The following FRS2 variants were observed in gnomAD, a reference collection of about 807,000 sequenced individuals.
FRS2 encodes the protein fibroblast growth factor receptor substrate 2.
FRS2 carries 8 observed loss-of-function variants against 43.9 expected under a neutral mutation model. The ratio of observed to expected loss-of-function variants is 0.18; its 90% CI spans 0.11 to 0.33. The LOEUF (loss-of-function observed/expected upper bound fraction) is 0.33. Among genes scored for constraint, FRS2 ranks in the 10% least tolerant of loss-of-function variants. The pLI is 1.00. For missense variants in FRS2, 534 were observed against 627.6 expected, an observed-to-expected ratio of 0.85 and a Z score of 1.59; for synonymous variants, 219 against 220.3, an observed-to-expected ratio of 0.99 and a Z score of 0.05.
chr12:69,472,801 G>A (rs1440410901), intron 1 of FRS2, among the ~76,000 whole-genome samples: 2 of 152,202 alleles, frequency 1.3e-5, no homozygotes, highest in Non-Finnish European at 2.9e-5. Flanking sequence ...ATCATGAAGA[G>A]TTGAGTTGTA....
At position 69,579,021 on chromosome 12, in the gene FRS2, T is replaced by C. The variant is rs1277930505; in HGVS notation, c.*4066T>C. 6.6e-6 allele frequency: 1 copy of C among 152,656 alleles called. No homozygotes were observed. Among genetic ancestry groups the C allele is most frequent in the Non-Finnish European group, 1.5e-5 (1 of 68,042 alleles). 9.5% of individuals were successfully genotyped at this position (152,656 alleles called of 1,614,324 possible). A position where few individuals can be genotyped will look rare whatever the true frequency, so the allele number is the denominator to read the frequency against. Reference sequence around the variant, plus strand: ...TAAATTTTGGTTTGCATTTTTAATATTGGCAAAACGTAACCACTGTTAATT... The same window carrying C: ...TAAATTTTGGTTTGCATTTTTAATACTGGCAAAACGTAACCACTGTTAATT... On this transcript the variant is annotated 3_prime_UTR_variant, in exon 9 of 9. Coordinates refer to ENST00000549921, the MANE Select transcript of FRS2 (RefSeq NM_001278356.2).
intron 4 of FRS2, among the ~76,000 whole-genome samples, chr12:69,563,815 G>A (rs115474433): frequency 6.6e-6 from 1 of 151,844 alleles, no homozygotes; most frequent in Non-Finnish European, 1.5e-5. Flanking sequence ...TTCTATATTC[G>A]ACCCACCCTT....
In FRS2 at chr12:69,532,277, A is replaced by G. The variant is rs78829612; in HGVS notation, c.-122+221A>G. 4.6e-3 allele frequency among the ~76,000 whole-genome samples: 705 copies of G among 152,310 alleles called. 7 individuals are homozygous for G. Among genetic ancestry groups the G allele is most frequent in the African/African-American group, 0.017 (696 of 41,558 alleles). On this transcript the variant is annotated intron_variant, in intron 3 of 8. Coordinates refer to ENST00000549921, the MANE Select transcript of FRS2 (RefSeq NM_001278356.2). Reference sequence around the variant, plus strand: ...ATAAAAGGGAATGATAAAAGTAGTCACCTTTAAAATTCAAATACTGCTTCT... The same window carrying G: ...ATAAAAGGGAATGATAAAAGTAGTCGCCTTTAAAATTCAAATACTGCTTCT...
At chr12:69,519,958 G>T (rs562952956) in intron 1 of FRS2, among the ~76,000 whole-genome samples, 1 of 152,154 alleles carries the variant, frequency 6.6e-6, no homozygotes, top group South Asian at 2.1e-4. Context: ...TGGTAGTTCT[G>T]TTTTTAGCTC....
chr12:69,574,672 G>A lies in FRS2; in HGVS notation c.1244G>A (p.Cys415Tyr). Residue 415 changes from cysteine to tyrosine, a missense_variant, in exon 9 of 9, where the codon TGT becomes TAT. By Grantham distance (194) the Cys-to-Tyr change is radical. Coordinates refer to ENST00000549921, the MANE Select transcript of FRS2 (RefSeq NM_001278356.2). ...ATAGAATATTCAAGGCGTCGGGACT[G>A]TACACCAACAGTCTTTAACTTTGAT... Reference protein sequence around the residue: ...HKIEYSRRRDCTPTVFNFDIR... With the variant: ...HKIEYSRRRDYTPTVFNFDIR... 6.2e-7 allele frequency: 1 copy of A among 1,614,168 alleles called. No individual in the cohort carries two copies.
chr12:69,486,143 C>A (rs1871920990), intron 1 of FRS2: 1 of 151,578 alleles, frequency 6.6e-6, no homozygotes, highest in South Asian at 2.1e-4. Context: ...CAGTGTAATA[C>A]AGGCATACCT....
intron 1 of FRS2, among the ~76,000 whole-genome samples, chr12:69,494,036 G>A (rs1186939695): frequency 6.6e-6 from 1 of 152,054 alleles, no homozygotes; most frequent in Non-Finnish European, 1.5e-5. Context: ...TTTCTTGTTA[G>A]GCTTCTTTTC....
chr12:69,474,381 C>T (rs751447836), intron 1 of FRS2, among the ~76,000 whole-genome samples: 1 of 151,504 alleles, frequency 6.6e-6, no homozygotes, highest in Non-Finnish European at 1.5e-5. Context: ...CTGGTTGAAT[C>T]TGTGTAAGAA....
intron 1 of FRS2, among the ~76,000 whole-genome samples, chr12:69,479,408 C>CT (rs1265634240): frequency 9.0e-5 from 8 of 88,434 alleles, no homozygotes; most frequent in Non-Finnish European, 1.6e-4. Flanking sequence ...TTTTTTTTTT[C>CT]TTTTTTTTTG....
At chr12:69,560,615 A>T (rs556332120) in intron 3 of FRS2, among the ~76,000 whole-genome samples, 1 of 152,240 alleles carries the variant, frequency 6.6e-6, no homozygotes, top group Non-Finnish European at 1.5e-5. Context: ...GAACACAGAA[A>T]TAATGGTAGT....
At chr12:69,497,072 C>G (rs1419847140) in intron 1 of FRS2, among the ~76,000 whole-genome samples, 1 of 152,178 alleles carries the variant, frequency 6.6e-6, no homozygotes, top group Non-Finnish European at 1.5e-5. Flanking sequence ...CTTCATACAA[C>G]AAATCTTTAT....
At chr12:69,543,570 G>A (rs992541665) in intron 3 of FRS2, among the ~76,000 whole-genome samples, 4 of 152,186 alleles carry the variant, frequency 2.6e-5, no homozygotes, top group African/African-American at 7.2e-5. Context: ...GAATGATGTA[G>A]TAGGGAAAGA....
At chr12:69,501,356 G>T (rs768473895) in intron 1 of FRS2, among the ~76,000 whole-genome samples, 1 of 152,154 alleles carries the variant, frequency 6.6e-6, no homozygotes, top group Non-Finnish European at 1.5e-5. Context: ...GTGATTCTGT[G>T]GGGGTGGAAA....
chr12:69,563,430 G>A (rs1880028512), intron 4 of FRS2, among the ~76,000 whole-genome samples: 1 of 151,868 alleles, frequency 6.6e-6, no homozygotes, highest in African/African-American at 2.4e-5. Context: ...TTTTGTTTTG[G>A]GGTTTTGCCC....
chr12:69,489,247 T>C (rs1728239681), intron 1 of FRS2, among the ~76,000 whole-genome samples: 1 of 152,188 alleles, frequency 6.6e-6, no homozygotes, highest in Admixed American at 6.5e-5. Flanking sequence ...TTGAGTGGTC[T>C]TCAGGTAGTG....
At chr12:69,550,202 A>G (rs563809601) in intron 3 of FRS2, among the ~76,000 whole-genome samples, 1 of 152,270 alleles carries the variant, frequency 6.6e-6, no homozygotes, top group South Asian at 2.1e-4. Context: ...CTAAAAATGT[A>G]TTTTCCTTGA....
At chr12:69,545,863 G>GAACA (rs1200705385) in intron 3 of FRS2, among the ~76,000 whole-genome samples, 2 of 151,868 alleles carry the variant, frequency 1.3e-5, no homozygotes, top group Admixed American at 1.3e-4. Context: ...AATGGGAAAG[G>GAACA]AACAGTCTCT....
intron 3 of FRS2, among the ~76,000 whole-genome samples, chr12:69,540,472 A>C (rs1303533872): frequency 6.6e-6 from 1 of 152,118 alleles, no homozygotes; most frequent in Admixed American, 6.5e-5. Flanking sequence ...GTAAAGTATA[A>C]AGTAGTATTG....
At chr12:69,513,112 C>G (rs1253849275) in intron 1 of FRS2, among the ~76,000 whole-genome samples, 10 of 147,742 alleles carry the variant, frequency 6.8e-5, no homozygotes, top group Admixed American at 6.7e-4. Flanking sequence ...TCTGTGACTT[C>G]TCCTCCCGCC....
Sources: gnomAD v4.1 joint callset for allele counts (sites outside exome capture counted in the v4.1 genomes callset) on GRCh38, gnomAD v4.1.1 for gene constraint, MANE v1.5 for transcripts, NCBI Gene and HGNC (gene_info 2026-07-23, HGNC 2026-07-21) for gene names.